The following SHISAL2B variants were observed in gnomAD, a reference collection of about 807,000 sequenced individuals.
The protein encoded by SHISAL2B is protein shisa-like-2B.
SHISAL2B carries 12 observed loss-of-function variants against 16.5 expected under a neutral mutation model. That is an observed-to-expected ratio of 0.73 (90% CI 0.47 to 1.18). SHISAL2B has a LOEUF of 1.18. SHISAL2B is among the 50% of genes most tolerant of loss of function. The pLI, the probability that SHISAL2B is intolerant of heterozygous loss-of-function variation, is 0.00. For missense variants in SHISAL2B, 183 were observed against 193.6 expected, an observed-to-expected ratio of 0.95 and a Z score of 0.33; for synonymous variants, 72 against 75.0, an observed-to-expected ratio of 0.96 and a Z score of 0.21.
chr5:64,715,069 G>A (rs1341941499), intron 2 of SHISAL2B, among the ~76,000 whole-genome samples: 1 of 152,028 alleles, frequency 6.6e-6, no homozygotes, highest in African/African-American at 2.4e-5. Flanking sequence ...TCCCCCCACC[G>A]ACATCTTTCA....
In SHISAL2B at chr5:64,690,620, C is replaced by G. The variant is rs1395441948; in HGVS notation, c.-4C>G. The G allele has an allele frequency of 6.1e-6, 9 of 1,484,772 alleles. No individual in the cohort carries two copies. Among genetic ancestry groups the G allele is most frequent in the South Asian group, 1.3e-5 (1 of 77,796 alleles). The allele number at this position is 1,484,772 out of a possible 1,614,324, so 92.0% of individuals were successfully genotyped here. On this transcript the variant is annotated 5_prime_UTR_variant, in exon 1 of 3. Coordinates refer to ENST00000389074, the MANE Select transcript of SHISAL2B (RefSeq NM_001164442.2). ...TCGCGAGCCTCTCCCGGCCCCTGCC[C>G]GCGATGAGCGAGGCCAGCCGACTGT...
At chr5:64,696,407 A>G (rs976188582) in intron 2 of SHISAL2B, among the ~76,000 whole-genome samples, 12 of 152,224 alleles carry the variant, frequency 7.9e-5, no homozygotes, top group Admixed American at 3.9e-4. Context: ...GATTTTTCAG[A>G]GAACAAGGGA....
intron 2 of SHISAL2B, among the ~76,000 whole-genome samples, chr5:64,714,215 T>C (rs1241703149): frequency 7.0e-6 from 1 of 142,928 alleles, no homozygotes; most frequent in African/African-American, 2.8e-5. Flanking sequence ...CAGATGGGTT[T>C]TCGGTGTGGA....
At chr5:64,712,791 T>C (rs2098105070) in intron 2 of SHISAL2B, among the ~76,000 whole-genome samples, 1 of 152,026 alleles carries the variant, frequency 6.6e-6, no homozygotes, top group South Asian at 2.1e-4. Context: ...TACCATTATG[T>C]AATGGCCTTC....
At chr5:64,714,634 C>G (rs1037009436) in intron 2 of SHISAL2B, among the ~76,000 whole-genome samples, 4 of 152,270 alleles carry the variant, frequency 2.6e-5, no homozygotes, top group African/African-American at 7.2e-5. Flanking sequence ...CGCCCCTCCC[C>G]CAGCCTGGCT....
At chr5:64,699,796 A>C (rs1424341055) in intron 2 of SHISAL2B, among the ~76,000 whole-genome samples, 1 of 152,222 alleles carries the variant, frequency 6.6e-6, no homozygotes, top group African/African-American at 2.4e-5. Context: ...AACTAGTCTA[A>C]TATTAGACTA....
chr5:64,693,283 A>AG (rs1360146000), intron 1 of SHISAL2B, among the ~76,000 whole-genome samples: 3 of 152,170 alleles, frequency 2.0e-5, no homozygotes, highest in African/African-American at 7.2e-5. Context: ...CTAGGATTAC[A>AG]GGCGTGAGCC....
chr5:64,714,359 A>C (rs888457633), intron 2 of SHISAL2B, among the ~76,000 whole-genome samples: 1 of 145,622 alleles, frequency 6.9e-6, no homozygotes, highest in Non-Finnish European at 1.5e-5. Context: ...CTCGGGGGTC[A>C]GGGGTCAGGG....
intron 2 of SHISAL2B, among the ~76,000 whole-genome samples, chr5:64,715,124 C>T (rs1194303559): frequency 2.0e-5 from 3 of 152,004 alleles, no homozygotes; most frequent in Non-Finnish European, 2.9e-5. Flanking sequence ...ACCATGAAGT[C>T]GTCCCAGAGT....
chr5:64,705,519 A>G (rs1299576501), intron 2 of SHISAL2B, among the ~76,000 whole-genome samples: 1 of 152,222 alleles, frequency 6.6e-6, no homozygotes, highest in Non-Finnish European at 1.5e-5. Context: ...AATTTTAGAT[A>G]CTTAAATCGG....
At chr5:64,695,685 G>A (rs275830) in intron 2 of SHISAL2B, 21 bp downstream of exon 2, 305,703 of 1,480,672 alleles carry the variant, frequency 0.21, 34,291 homozygotes, top group Non-Finnish European at 0.23. Flanking sequence ...TCTATTATTT[G>A]TTACCAATTA....
intron 2 of SHISAL2B, among the ~76,000 whole-genome samples, chr5:64,706,405 T>A (rs1005758216): frequency 3.9e-5 from 6 of 152,238 alleles, no homozygotes; most frequent in African/African-American, 1.4e-4. Context: ...TGAAATAGAA[T>A]GGGAGGCAGG....
chr5:64,700,026 CT>C (rs556355224), intron 2 of SHISAL2B, among the ~76,000 whole-genome samples: 34 of 152,252 alleles, frequency 2.2e-4, no homozygotes, highest in African/African-American at 7.9e-4. Context: ...TCTTTTTAAA[CT>C]TTTGTGTTTC....
At chr5:64,695,479 A>G (rs1338125133) in intron 1 of SHISAL2B, 28 bp from the exon 2 acceptor site, 20 of 1,503,846 alleles carry the variant, frequency 1.3e-5, no homozygotes, top group Non-Finnish European at 1.8e-5. Flanking sequence ...ACTTTGTGTG[A>G]CACATATTTT....
intron 2 of SHISAL2B, among the ~76,000 whole-genome samples, chr5:64,698,727 T>C (rs1383387067): frequency 6.6e-6 from 1 of 152,226 alleles, no homozygotes; most frequent in Non-Finnish European, 1.5e-5. Flanking sequence ...CCACTCCAAC[T>C]AGAAACTAAG....
chr5:64,709,788 G>C (rs1485965030), intron 2 of SHISAL2B, among the ~76,000 whole-genome samples: 4 of 152,180 alleles, frequency 2.6e-5, no homozygotes, highest in East Asian at 1.9e-4. Context: ...CTGATGGCCA[G>C]TGATGATGAG....
At chr5:64,692,958 C>G (rs985348664) in intron 1 of SHISAL2B, among the ~76,000 whole-genome samples, 2 of 151,650 alleles carry the variant, frequency 1.3e-5, no homozygotes, top group Admixed American at 1.3e-4. Flanking sequence ...GGAGCTCCAT[C>G]TTTTCTGAGA....
At position 64,695,565 on chromosome 5, in the gene SHISAL2B, A is replaced by G. The variant is rs1438438533; in HGVS notation, c.250A>G (p.Ser84Gly). Residue 84 changes from serine to glycine, a missense_variant, in exon 2 of 3, where the codon AGT becomes GGT. Physicochemically the swap from Ser to Gly is moderately conservative, Grantham distance 56. Transcript: ENST00000389074. ...CCTTGTTTTACTCGCCTTTGTCATC[A>G]GTGTCTGTGTCCTTTGCTATTTATT... ...AALVLLAFVI[S>G]VCVLCYLFLY... is the part of the protein sequence containing the mutation. 6 of 1,536,622 alleles carry G rather than the reference A, an allele frequency of 3.9e-6. No individual in the cohort carries two copies. Among genetic ancestry groups the G allele is most frequent in the Non-Finnish European group, 4.4e-6 (5 of 1,146,640 alleles).
intron 2 of SHISAL2B, among the ~76,000 whole-genome samples, chr5:64,699,203 T>G (rs965245689): frequency 6.6e-6 from 1 of 152,234 alleles, no homozygotes; most frequent in Non-Finnish European, 1.5e-5. Flanking sequence ...CTTTCCCAAA[T>G]GCATGCTATT....
Sources: allele counts gnomAD v4.1 joint callset (sites outside exome capture counted in the v4.1 genomes callset), GRCh38; gene constraint gnomAD v4.1.1; transcripts MANE v1.5; gene names NCBI Gene and HGNC (gene_info 2026-07-23, HGNC 2026-07-21).